Variants in ROR1 observed in about 807,000 individuals in gnomAD.
ROR1 encodes the protein inactive tyrosine-protein kinase transmembrane receptor ROR1.
In ROR1, 19 loss-of-function variants were observed where a neutral mutation model predicts 78.8. That is an observed-to-expected ratio of 0.24 (90% CI 0.17 to 0.35). ROR1 has a LOEUF of 0.35. Among genes scored for constraint, ROR1 ranks in the 10% least tolerant of loss-of-function variants. The pLI is 1.00. For missense variants in ROR1, 917 were observed against 1,177.8 expected, an observed-to-expected ratio of 0.78 and a Z score of 3.24; for synonymous variants, 386 against 433.6, an observed-to-expected ratio of 0.89 and a Z score of 1.36.
chr1:63,976,617 A>G (rs1428568609), intron 1 of ROR1, among the ~76,000 whole-genome samples: 1 of 152,194 alleles, frequency 6.6e-6, no homozygotes, highest in Non-Finnish European at 1.5e-5. Context: ...CATAAGGAGA[A>G]TCTAGATCCC....
At chr1:64,159,230 G>C (rs1316858930) in intron 8 of ROR1, 38 bp downstream of exon 8, 2 of 1,499,860 alleles carry the variant, frequency 1.3e-6, no homozygotes, top group South Asian at 2.3e-5. Flanking sequence ...TGTTCCGTGG[G>C]CTTCAAGTTA....
intron 7 of ROR1, among the ~76,000 whole-genome samples, chr1:64,148,471 G>A (rs931703513): frequency 1.3e-5 from 2 of 152,142 alleles, no homozygotes; most frequent in African/African-American, 2.4e-5. Flanking sequence ...GAAAATTCCT[G>A]CATTCTTTAG....
intron 4 of ROR1, among the ~76,000 whole-genome samples, chr1:64,074,083 A>G (rs1647029406): frequency 6.6e-6 from 1 of 151,340 alleles, no homozygotes; most frequent in Non-Finnish European, 1.5e-5. Context: ...CCCAATGTCC[A>G]TTTATTCTTC....
intron 1 of ROR1, among the ~76,000 whole-genome samples, chr1:63,947,626 G>A (rs1400381377): frequency 2.0e-5 from 3 of 152,160 alleles, no homozygotes; most frequent in East Asian, 1.9e-4. Context: ...TGGGGTGGCC[G>A]GCGGGAGGTG....
intron 1 of ROR1, among the ~76,000 whole-genome samples, chr1:63,936,678 A>G (rs772260956): frequency 7.2e-5 from 11 of 152,184 alleles, no homozygotes; most frequent in Non-Finnish European, 1.5e-4. Context: ...TGGCCTTGGA[A>G]TAACACATCC....
intron 4 of ROR1, among the ~76,000 whole-genome samples, chr1:64,055,654 G>A (rs1646867808): frequency 6.6e-6 from 1 of 152,190 alleles, no homozygotes; most frequent in Admixed American, 6.5e-5. Flanking sequence ...TATTCCCTGT[G>A]TATTTTTTGT....
chr1:64,045,317 T>C (rs1367693053), intron 2 of ROR1, among the ~76,000 whole-genome samples: 1 of 110,952 alleles, frequency 9.0e-6, no homozygotes, highest in Non-Finnish European at 1.9e-5. Flanking sequence ...AAGACAATAA[T>C]AGATATTCAA....
chr1:63,832,589 T>C (rs1644994980), intron 1 of ROR1, among the ~76,000 whole-genome samples: 1 of 152,192 alleles, frequency 6.6e-6, no homozygotes, highest in Non-Finnish European at 1.5e-5. Context: ...TCTGTTTCCT[T>C]TTCTGGAACA....
chr1:63,830,723 T>G (rs1350374803), intron 1 of ROR1, among the ~76,000 whole-genome samples: 1 of 152,154 alleles, frequency 6.6e-6, no homozygotes, highest in African/African-American at 2.4e-5. Flanking sequence ...ATTTAAAAGC[T>G]AATCGTGCCT....
At chr1:64,116,180 C>T (rs1206412060) in intron 4 of ROR1, among the ~76,000 whole-genome samples, 1 of 152,314 alleles carries the variant, frequency 6.6e-6, no homozygotes. Context: ...AATCCATGCT[C>T]TTCTATAGAA....
intron 1 of ROR1, among the ~76,000 whole-genome samples, chr1:64,004,325 T>C (rs1253061146): frequency 1.3e-5 from 2 of 152,226 alleles, no homozygotes; most frequent in African/African-American, 4.8e-5. Flanking sequence ...AGTTGTTCCT[T>C]TTGAAGGAGG....
At chr1:64,055,766 C>G (rs1557630226) in intron 4 of ROR1, among the ~76,000 whole-genome samples, 1 of 152,136 alleles carries the variant, frequency 6.6e-6, no homozygotes, top group Non-Finnish European at 1.5e-5. Flanking sequence ...GCGACTCAGT[C>G]TTTTTACTAT....
chr1:63,983,513 G>A (rs562278200), intron 1 of ROR1, among the ~76,000 whole-genome samples: 1 of 152,260 alleles, frequency 6.6e-6, no homozygotes, highest in Admixed American at 6.5e-5. Flanking sequence ...GTGAGTCAGT[G>A]TTACTCAGCC....
At position 63,876,679 on chromosome 1, in the gene ROR1, TGTGC is replaced by T. The variant is rs765903943; in HGVS notation, c.91+102173_91+102176del. ...GTGTGTGTGTGTGTGTGTGTGTGTG[TGTGC>T]GCGTGTGTGTGTGAGAACATGTGTT... On this transcript the variant is annotated intron_variant, in intron 1 of 8. Coordinates refer to ENST00000371079, the MANE Select transcript of ROR1 (RefSeq NM_005012.4). Among the ~76,000 whole-genome samples, 387 of 80,148 alleles carry T rather than the reference TGTGC, an allele frequency of 4.8e-3. 1 individual carries two copies. The highest frequency in any genetic ancestry group is 0.02 in the African/African-American group (137 of 6,958). 52.6% of individuals were successfully genotyped at this position (80,148 alleles called of 152,430 possible).
chr1:64,121,518 T>C (rs1400940423), intron 4 of ROR1, among the ~76,000 whole-genome samples: 1 of 152,202 alleles, frequency 6.6e-6, no homozygotes, highest in Non-Finnish European at 1.5e-5. Flanking sequence ...TGGGATGTTT[T>C]GTTCAATGTA....
chr1:63,875,743 T>A (rs1425722027), intron 1 of ROR1, among the ~76,000 whole-genome samples: 1 of 152,198 alleles, frequency 6.6e-6, no homozygotes, highest in African/African-American at 2.4e-5. Context: ...CTTGCCACCA[T>A]GAACTGGGCT....
intron 2 of ROR1, among the ~76,000 whole-genome samples, chr1:64,047,199 A>C (rs1447295639): frequency 6.6e-6 from 1 of 152,202 alleles, no homozygotes; most frequent in Non-Finnish European, 1.5e-5. Flanking sequence ...TTAGAGGATA[A>C]CAGGAGACAG....
chr1:64,159,410 C>G (rs1649873679), intron 8 of ROR1, among the ~76,000 whole-genome samples: 1 of 152,198 alleles, frequency 6.6e-6, no homozygotes, highest in South Asian at 2.1e-4. Flanking sequence ...AGCCATATCA[C>G]TGCCTTGCCA....
intron 4 of ROR1, among the ~76,000 whole-genome samples, chr1:64,124,257 C>T (rs1265333741): frequency 2.6e-5 from 4 of 152,108 alleles, no homozygotes; most frequent in Non-Finnish European, 5.9e-5. Context: ...AATGAGAATG[C>T]CCTGGGGTAT....
Sources: gnomAD v4.1 joint callset for allele counts (sites outside exome capture counted in the v4.1 genomes callset) on GRCh38, gnomAD v4.1.1 for gene constraint, MANE v1.5 for transcripts, NCBI Gene and HGNC (gene_info 2026-07-23, HGNC 2026-07-21) for gene names.